SRPRB: variants seen among roughly 807,000 people sequenced by gnomAD.
The protein encoded by SRPRB is SRP receptor subunit beta, also known as signal recognition particle receptor subunit beta.
In SRPRB, 20 loss-of-function variants were observed where a neutral mutation model predicts 31.9. The observed-to-expected ratio is 0.63, with a 90% CI of 0.44 to 0.91. The LOEUF is 0.91. Ranked by LOEUF, SRPRB falls within the 40% of genes least tolerant of loss-of-function variation. SRPRB has a pLI of 0.00. For missense variants in SRPRB, 321 were observed against 324.9 expected (o/e 0.99, Z 0.09); for synonymous variants, 146 against 132.8 (o/e 1.10, Z -0.68).
downstream of SRPRB, among the ~76,000 whole-genome samples, chr3:133,822,588 C>G (rs1935491356): frequency 6.6e-6 from 1 of 152,236 alleles, no homozygotes; most frequent in Non-Finnish European, 1.5e-5. Flanking sequence ...CCCACTGCCT[C>G]TGTCTCAGTG....
chr3:133,806,139 AC>A, intron 1 of SRPRB, 137 bp downstream of exon 1: 2 of 1,165,660 alleles, frequency 1.7e-6, no homozygotes, highest in Non-Finnish European at 2.4e-6. Flanking sequence ...CCCAGTCTAC[AC>A]CCCACCCTCT....
At chr3:133,818,804 G>GTGT (rs1935412218) in intron 6 of SRPRB, among the ~76,000 whole-genome samples, 1 of 151,820 alleles carries the variant, frequency 6.6e-6, no homozygotes, top group East Asian at 1.9e-4. Context: ...GTGTGTGTGT[G>GTGT]TGTGTGTGTG....
At chr3:133,788,679 G>A (rs1385794648) in intron 1 of SRPRB, 6 of 152,112 alleles carry the variant, frequency 3.9e-5, no homozygotes, top group Non-Finnish European at 8.8e-5. Flanking sequence ...GACCCTTGGT[G>A]GGCAGCGCCT....
Position 133,811,151 on chromosome 3 carries a change from A to G in SRPRB, c.362A>G (p.His121Arg). 3 of 1,614,188 alleles carry G rather than the reference A, an allele frequency of 1.9e-6. No individual in the cohort carries two copies. Among genetic ancestry groups the G allele is most frequent in the Non-Finnish European group, 2.5e-6 (3 of 1,180,022 alleles). The change falls in exon 4 of 7, where the codon CAT becomes CGT. Residue 121 changes from histidine to arginine, a missense_variant. Transcript: ENST00000678299. The part of the protein sequence containing the change: ...NSLTLIDLPG[H>R]ESLRLQFLER... Reference sequence around the variant, plus strand: ...CTGACCTTGATTGACCTTCCCGGCCATGAGAGTTTGAGGCTTCAGTTCTTA... The same window carrying G: ...CTGACCTTGATTGACCTTCCCGGCCGTGAGAGTTTGAGGCTTCAGTTCTTA...
At chr3:133,803,018 TC>T (rs745988214), upstream of SRPRB, among the ~76,000 whole-genome samples, 8 of 152,148 alleles carry the variant, frequency 5.3e-5, no homozygotes, top group African/African-American at 7.2e-5. Context: ...ATTCACAATA[TC>T]CAACTAATCA....
chr3:133,810,509 TC>T (rs1253861850), intron 3 of SRPRB: 2 of 152,210 alleles, frequency 1.3e-5, no homozygotes, highest in East Asian at 3.8e-4. Flanking sequence ...GTAGATTTGC[TC>T]AGTAGGGGCT....
rs1935146193 is a variant in SRPRB at position 133,805,893 on chromosome 3, CG to C, written c.50del (p.Gly17AlafsTer7). The C allele has an allele frequency of 5.0e-6, 8 of 1,613,122 alleles. No homozygotes were observed. Among genetic ancestry groups the C allele is most frequent in the Admixed American group, 1.7e-5 (1 of 59,916 alleles). ...SRRVADGGGA[G>X]GTFQPYLDTL... is the part of the protein sequence containing the mutation. ...GCCGGGTGGCAGATGGCGGCGGTGC[CG>C]GGGGCACCTTCCAGCCCTACCTAGA... On this transcript the variant is annotated frameshift_variant, in exon 1 of 7. Transcript: ENST00000678299. LOFTEE classifies it high-confidence loss of function.
chr3:133,791,959 G>A (rs1172786578), intron 1 of SRPRB: 3 of 152,138 alleles, frequency 2.0e-5, no homozygotes, highest in Admixed American at 6.5e-5. Flanking sequence ...TGTAACTTAA[G>A]TAATCTTTGG....
rs745615240 is a variant in SRPRB, at chr3:133,806,012, G to T, written c.154+10G>T. ...GTGCTGCTGACGCTAGGTAAAAGGC[G>T]GCCGGTGGTCATGGCGGGTTTGGGG... is the stretch of plus-strand genomic sequence containing the variant. On this transcript the variant is annotated intron_variant, in intron 1 of 6. Transcript: ENST00000678299. 5.6e-6 allele frequency: 9 copies of T among 1,611,352 alleles called. No individual in the cohort carries two copies. In the South Asian group the frequency reaches 9.9e-5, roughly 18 times the overall value.
In SRPRB at chr3:133,815,727, G is replaced by GT. The variant is rs772967157; in HGVS notation, c.547+2dup. On this transcript the variant is annotated splice_donor_variant, in intron 5 of 6. Transcript: ENST00000678299. LOFTEE classifies it high-confidence loss of function. The stretch of plus-strand genomic sequence containing the variant: ...TTCTTAATAGCCTGCAATAAGCAAG[G>GT]TGCCATCATGTTTTCTTGCAATAAT... The GT allele has an allele frequency of 2.5e-6, 4 of 1,610,908 alleles. 1 individual carries two copies. The South Asian group carries it at 4.4e-5, about 18-fold the overall frequency.
At chr3:133,808,181 A>G (rs1673289879) in intron 3 of SRPRB, among the ~76,000 whole-genome samples, 1 of 152,246 alleles carries the variant, frequency 6.6e-6, no homozygotes, top group South Asian at 2.1e-4. Context: ...AAAGGTTAGA[A>G]AAGATATTTG....
chr3:133,828,175 C>T (rs976181143), downstream of SRPRB: 47 of 588,116 alleles, frequency 8.0e-5, no homozygotes, highest in Admixed American at 2.1e-4. Context: ...ACGAGGTTGA[C>T]GACCCACTCT....
chr3:133,827,778 G>A (rs1271002898), downstream of SRPRB: 8 of 132,638 alleles, frequency 6.0e-5, no homozygotes, highest in Non-Finnish European at 1.7e-5. Context: ...CCATCACAGA[G>A]GATCAACTCC....
At chr3:133,822,489 T>G (rs903584541), downstream of SRPRB, among the ~76,000 whole-genome samples, 2 of 152,134 alleles carry the variant, frequency 1.3e-5, no homozygotes, top group Non-Finnish European at 2.9e-5. Context: ...TGGTAGCCTC[T>G]CCACTACCAG....
rs539379102 is a variant in SRPRB at position 133,820,863 on chromosome 3, A to G, written c.*1097A>G. 10 of 152,246 alleles carry G rather than the reference A, an allele frequency of 6.6e-5. No homozygotes were observed. The highest frequency in any genetic ancestry group is 1.5e-4 in the Non-Finnish European group (10 of 68,068). The allele number at this position is 152,246 out of a possible 1,614,324, so 9.4% of individuals were successfully genotyped here. On this transcript the variant is annotated 3_prime_UTR_variant, in exon 7 of 7. Transcript: ENST00000678299. ...GTCTCCTGAGCCTAAAGATTGCAAC[A>G]TACACAAGAACACACTCCTATTCCT...
intron 6 of SRPRB, 65 bp from the exon 7 acceptor site, chr3:133,819,488 A>G: frequency 6.8e-7 from 1 of 1,465,368 alleles, no homozygotes; most frequent in Non-Finnish European, 9.5e-7. Flanking sequence ...AATGTTTAGA[A>G]ACTAATATGA....
At chr3:133,808,364 T>A (rs1359385903) in intron 3 of SRPRB, among the ~76,000 whole-genome samples, 1 of 152,138 alleles carries the variant, frequency 6.6e-6, no homozygotes, top group Non-Finnish European at 1.5e-5. Context: ...ATTTTTCTCA[T>A]ACGGCTGATA....
At chr3:133,813,291 C>T (rs772100739) in intron 4 of SRPRB, among the ~76,000 whole-genome samples, 2 of 152,202 alleles carry the variant, frequency 1.3e-5, no homozygotes, top group Non-Finnish European at 2.9e-5. Context: ...TTCTCACCAT[C>T]GTTTCTCCAG....
intron 1 of SRPRB, chr3:133,784,212 C>G (rs1934588376): frequency 6.6e-6 from 1 of 152,248 alleles, no homozygotes; most frequent in Non-Finnish European, 1.5e-5. Context: ...TTCCTTCTAC[C>G]AGACGCTGGT....
Sources: gnomAD v4.1 joint callset for allele counts (sites outside exome capture counted in the v4.1 genomes callset) on GRCh38, gnomAD v4.1.1 for gene constraint, MANE v1.5 for transcripts, NCBI Gene and HGNC (gene_info 2026-07-23, HGNC 2026-07-21) for gene names.